Variants in SHANK2 observed in about 807,000 individuals in gnomAD.
SHANK2 encodes the protein SH3 and multiple ankyrin repeat domains protein 2.
Under a neutral mutation model 133.7 loss-of-function variants are expected in SHANK2, and 43 were observed. That is an observed-to-expected ratio of 0.32 (90% CI 0.25 to 0.41). SHANK2 has a LOEUF of 0.41. SHANK2 is among the 10% of genes least tolerant of loss of function. The pLI is 1.00. For missense variants in SHANK2, 1,994 were observed against 2,235.8 expected, an observed-to-expected ratio of 0.89 and a Z score of 2.18; for synonymous variants, 1,017 against 952.8, an observed-to-expected ratio of 1.07 and a Z score of -1.24.
intron 8 of SHANK2, among the ~76,000 whole-genome samples, chr11:71,077,656 G>A (rs1287277337): frequency 1.3e-5 from 2 of 151,952 alleles, no homozygotes; most frequent in Non-Finnish European, 2.9e-5. Context: ...TTTAACCCCT[G>A]GTGGTTGAGG....
chr11:70,483,176 C>G (rs1555152170), intron 25 of SHANK2, among the ~76,000 whole-genome samples: 2 of 152,162 alleles, frequency 1.3e-5, no homozygotes, highest in African/African-American at 4.8e-5. Context: ...GCCTGTGTCC[C>G]AGCTCTGCCT....
intron 21 of SHANK2, among the ~76,000 whole-genome samples, chr11:70,496,389 C>T (rs782062261): frequency 4.6e-5 from 7 of 152,166 alleles, no homozygotes; most frequent in Non-Finnish European, 8.8e-5. Context: ...TGCCCGGCCT[C>T]CCTGGGGCAC....
intron 3 of SHANK2, among the ~76,000 whole-genome samples, chr11:71,130,067 G>A (rs1337608717): frequency 1.4e-4 from 21 of 152,186 alleles, no homozygotes; most frequent in African/African-American, 4.3e-4. Flanking sequence ...ACTCCAGTCC[G>A]ATGGGATCAG....
At chr11:70,953,373 C>T (rs369164374) in intron 10 of SHANK2, among the ~76,000 whole-genome samples, 3 of 152,038 alleles carry the variant, frequency 2.0e-5, no homozygotes, top group East Asian at 3.9e-4. Context: ...TCACAACAAG[C>T]CATCTATAAG....
At chr11:70,759,619 T>G (rs1480332209) in intron 14 of SHANK2, among the ~76,000 whole-genome samples, 3 of 152,200 alleles carry the variant, frequency 2.0e-5, no homozygotes, top group African/African-American at 7.2e-5. Context: ...ATTGTGAGAC[T>G]GATAGAATGG....
chr11:71,112,084 T>C (rs1316548962), intron 5 of SHANK2, among the ~76,000 whole-genome samples: 1 of 152,178 alleles, frequency 6.6e-6, no homozygotes, highest in Non-Finnish European at 1.5e-5. Context: ...AATGACAGAT[T>C]AGAACTCAGT....
At chr11:71,221,837 A>C (rs1591034558) in intron 2 of SHANK2, among the ~76,000 whole-genome samples, 1 of 152,156 alleles carries the variant, frequency 6.6e-6, no homozygotes, top group African/African-American at 2.4e-5. Context: ...TCTCCACTGT[A>C]AAATGACGCT....
intron 17 of SHANK2, among the ~76,000 whole-genome samples, chr11:70,549,840 T>C (rs546070223): frequency 2.6e-5 from 4 of 152,324 alleles, no homozygotes; most frequent in Admixed American, 1.3e-4. Flanking sequence ...CATACCTCCA[T>C]GTTTGGGTTT....
At chr11:70,904,379 C>A (rs1183309559) in intron 10 of SHANK2, among the ~76,000 whole-genome samples, 5 of 152,142 alleles carry the variant, frequency 3.3e-5, no homozygotes, top group Non-Finnish European at 2.9e-5. Flanking sequence ...AAAAGCTGCA[C>A]CCTCAGCCTC....
intron 14 of SHANK2, among the ~76,000 whole-genome samples, chr11:70,759,433 G>T (rs990927323): frequency 2.6e-5 from 4 of 152,092 alleles, no homozygotes; most frequent in African/African-American, 9.7e-5. Flanking sequence ...AGTGAGCCCA[G>T]ATCGCACCAC....
At chr11:70,758,898 C>T (rs140529033) in intron 14 of SHANK2, among the ~76,000 whole-genome samples, 3,392 of 152,168 alleles carry the variant, frequency 0.022, 72 homozygotes, top group Non-Finnish European at 0.029. Flanking sequence ...CGGTGGCTCA[C>T]GCCTGTAATC....
At chr11:70,931,881 T>A (rs896587613) in intron 10 of SHANK2, among the ~76,000 whole-genome samples, 2 of 152,226 alleles carry the variant, frequency 1.3e-5, no homozygotes, top group Non-Finnish European at 2.9e-5. Flanking sequence ...TAATGTTTTT[T>A]ATAAAGAAAG....
intron 17 of SHANK2, among the ~76,000 whole-genome samples, chr11:70,618,963 G>T (rs1216832682): frequency 2.6e-5 from 4 of 152,198 alleles, no homozygotes; most frequent in Non-Finnish European, 5.9e-5. Flanking sequence ...GCCAGGAGAT[G>T]GACGGGGTGA....
intron 12 of SHANK2, among the ~76,000 whole-genome samples, chr11:70,812,552 G>A (rs1277964299): frequency 5.3e-5 from 8 of 152,210 alleles, no homozygotes; most frequent in Non-Finnish European, 1.2e-4. Flanking sequence ...ACAGAATGAG[G>A]TGAACAAGAT....
chr11:70,948,874 T>A (rs892328079), intron 10 of SHANK2, among the ~76,000 whole-genome samples: 3 of 152,234 alleles, frequency 2.0e-5, no homozygotes, highest in Non-Finnish European at 2.9e-5. Flanking sequence ...CAATTTTTTT[T>A]AAATTAAAAA....
chr11:70,737,202 G>A (rs1946424808), intron 14 of SHANK2, among the ~76,000 whole-genome samples: 3 of 152,188 alleles, frequency 2.0e-5, no homozygotes, highest in South Asian at 4.1e-4. Flanking sequence ...GTAGGGGACT[G>A]GCTTCTGGGT....
rs1156355131 is a variant in SHANK2, at chr11:71,073,147, C to CTT, written c.1029+2010_1029+2011dup. On this transcript the variant is annotated intron_variant, in intron 9 of 25. Coordinates refer to ENST00000601538, the MANE Select transcript of SHANK2 (RefSeq NM_012309.5). ...TTTTTGTTTTTTTTCTTTTTCTTTTCTTTTTTTTCTTTTTTTTCTTTTTTT... is the reference window on the plus strand; with the variant it reads ...TTTTTGTTTTTTTTCTTTTTCTTTTCTTTTTTTTTTCTTTTTTTTCTTTTTTT... 2.2e-3 allele frequency among the ~76,000 whole-genome samples: 141 copies of CTT among 62,740 alleles called. 40 individuals carry two copies. The highest frequency in any genetic ancestry group is 2.7e-3 in the African/African-American group (64 of 23,762). 41.2% of individuals were successfully genotyped at this position (62,740 alleles called of 152,430 possible). A position where few individuals can be genotyped will look rare whatever the true frequency, so the allele number is the denominator to read the frequency against.
chr11:71,109,652 C>T (rs1243249062), intron 6 of SHANK2, among the ~76,000 whole-genome samples: 1 of 152,254 alleles, frequency 6.6e-6, no homozygotes, highest in Non-Finnish European at 1.5e-5. Context: ...TGGCACAACA[C>T]ATGCGTGTCA....
At position 70,661,581 on chromosome 11, in the gene SHANK2, A is replaced by G. The variant is rs782012216; in HGVS notation, c.1936+15T>C. On this transcript the variant is annotated intron_variant, in intron 16 of 25. Coordinates refer to ENST00000601538, the MANE Select transcript of SHANK2 (RefSeq NM_012309.5). ...AACATGGGAACATATTCAGGCTCAG[A>G]GCGGCTGCTCTTACCTTTGGCCCCT... The G allele has an allele frequency of 6.2e-7, 1 of 1,608,186 alleles. No homozygotes were observed. The highest frequency in any genetic ancestry group is 8.5e-7 in the Non-Finnish European group (1 of 1,175,818).
Sources: allele counts gnomAD v4.1 joint callset (sites outside exome capture counted in the v4.1 genomes callset), GRCh38; gene constraint gnomAD v4.1.1; transcripts MANE v1.5; gene names NCBI Gene and HGNC (gene_info 2026-07-23, HGNC 2026-07-21).